THSD4: variants seen among roughly 807,000 people sequenced by gnomAD.
THSD4 encodes the protein thrombospondin type 1 domain containing 4, also known as thrombospondin type-1 domain-containing protein 4.
Under a neutral mutation model 119.0 loss-of-function variants are expected in THSD4, and 69 were observed. The observed-to-expected ratio is 0.58, with a 90% CI of 0.48 to 0.71. The LOEUF (loss-of-function observed/expected upper bound fraction) is 0.71. Among genes scored for constraint, THSD4 ranks in the 30% least tolerant of loss-of-function variants. The probability of loss-of-function intolerance (pLI) is 0.00; values close to 1 mark genes in which losing one functional copy is unlikely to be tolerated. For synonymous variants in THSD4, 524 were observed against 540.4 expected (o/e 0.97, Z 0.42); for missense variants, 1,393 against 1,391.1 (o/e 1.00, Z -0.02).
chr15:71,711,058 A>G (rs1036966874), intron 8 of THSD4, among the ~76,000 whole-genome samples: 4 of 145,922 alleles, frequency 2.7e-5, no homozygotes, highest in Non-Finnish European at 5.9e-5. Flanking sequence ...AATATGCATG[A>G]TTATTGAAAG....
rs142943134 is a variant in THSD4 at position 71,268,729 on chromosome 15, A to G, written c.1015+12014A>G. ...TAGATAGACAGCTAGCCAGACTAAT[A>G]AAGAAAAAAAGAGAGATGAATCAAA... is the stretch of plus-strand genomic sequence containing the variant. On this transcript the variant is annotated intron_variant, in intron 6 of 17. Coordinates refer to ENST00000261862, the MANE Select transcript of THSD4 (RefSeq NM_024817.3). 9.2e-3 allele frequency among the ~76,000 whole-genome samples: 1,401 copies of G among 151,626 alleles called. 8 individuals are homozygous for G. Among genetic ancestry groups the G allele is most frequent in the Middle Eastern group, 0.017 (5 of 294 alleles).
intron 4 of THSD4, among the ~76,000 whole-genome samples, chr15:71,232,245 T>C (rs140654372): frequency 7.8e-4 from 119 of 152,316 alleles, no homozygotes; most frequent in African/African-American, 2.6e-3. Context: ...TTCTTGCATA[T>C]GGAAACTCCT....
chr15:71,482,845 C>G (rs542032473), intron 7 of THSD4, among the ~76,000 whole-genome samples: 5 of 152,102 alleles, frequency 3.3e-5, no homozygotes, highest in Non-Finnish European at 7.4e-5. Context: ...CCTCGGCCTC[C>G]CAGAGTGCTG....
chr15:71,405,695 C>G (rs1249802848), intron 6 of THSD4, among the ~76,000 whole-genome samples: 1 of 152,106 alleles, frequency 6.6e-6, no homozygotes, highest in Non-Finnish European at 1.5e-5. Context: ...AATAAGAGGG[C>G]ATTTGGTAGT....
chr15:71,294,668 G>A (rs1368709923), intron 6 of THSD4, among the ~76,000 whole-genome samples: 4 of 152,136 alleles, frequency 2.6e-5, no homozygotes, highest in Admixed American at 1.3e-4. Flanking sequence ...AGTCCATAAT[G>A]TAAATGCCTG....
At chr15:71,629,045 G>A (rs1381877044) in intron 7 of THSD4, among the ~76,000 whole-genome samples, 1 of 152,204 alleles carries the variant, frequency 6.6e-6, no homozygotes, top group Non-Finnish European at 1.5e-5. Context: ...TTATCACGGG[G>A]TTTGGTTACG....
intron 7 of THSD4, among the ~76,000 whole-genome samples, chr15:71,580,603 CT>C (rs2049539911): frequency 6.6e-6 from 1 of 152,220 alleles, no homozygotes; most frequent in African/African-American, 2.4e-5. Flanking sequence ...GTAACTGAAA[CT>C]TTGTACCCTT....
intron 7 of THSD4, among the ~76,000 whole-genome samples, chr15:71,448,475 G>A (rs1043418453): frequency 6.6e-6 from 1 of 152,218 alleles, no homozygotes; most frequent in African/African-American, 2.4e-5. Context: ...AAAGTCTTCA[G>A]AAACAGAAAC....
intron 6 of THSD4, among the ~76,000 whole-genome samples, chr15:71,366,590 G>C (rs114054841): frequency 0.023 from 3,556 of 152,126 alleles, 140 homozygotes; most frequent in African/African-American, 0.082. Context: ...CCAATGGCCC[G>C]CACTATATGG....
At chr15:71,154,981 G>T (rs2040762537) in intron 3 of THSD4, 49 bp downstream of exon 3, 1 of 1,577,426 alleles carries the variant, frequency 6.3e-7, no homozygotes, top group African/African-American at 1.3e-5. Flanking sequence ...AGGGGCTAGG[G>T]CCACTGTGGT....
upstream of THSD4, chr15:71,111,238 T>G: frequency 6.2e-7 from 1 of 1,613,844 alleles, no homozygotes. Context: ...TAACCTGAAG[T>G]GTGGCCTGAA....
intron 7 of THSD4, among the ~76,000 whole-genome samples, chr15:71,447,186 T>C (rs2047197392): frequency 7.4e-6 from 1 of 135,924 alleles, no homozygotes; most frequent in Non-Finnish European, 1.5e-5. Context: ...AGTGATGCGA[T>C]CACGGCTCAC....
intron 7 of THSD4, among the ~76,000 whole-genome samples, chr15:71,574,452 C>T (rs1259509861): frequency 6.6e-6 from 1 of 152,034 alleles, no homozygotes; most frequent in Non-Finnish European, 1.5e-5. Flanking sequence ...AACACTAAAC[C>T]AAGATCATAT....
chr15:71,331,069 T>TC (rs149719659), intron 6 of THSD4, among the ~76,000 whole-genome samples: 160 of 152,360 alleles, frequency 1.1e-3, no homozygotes, highest in African/African-American at 3.6e-3. Context: ...CAGTGGCCTT[T>TC]GGCTGGCAAA....
intron 17 of THSD4, among the ~76,000 whole-genome samples, chr15:71,772,586 T>C (rs190426231): frequency 1.1e-4 from 17 of 152,286 alleles, no homozygotes; most frequent in Non-Finnish European, 2.1e-4. Flanking sequence ...TTGGAACATA[T>C]TATAAAGCTA....
In THSD4 at chr15:71,730,688, G is replaced by A. The variant is rs191958818; in HGVS notation, c.1534-433G>A. 78 of 155,702 alleles carry A rather than the reference G, an allele frequency of 5.0e-4. No individual in the cohort carries two copies. In the East Asian group the frequency reaches 0.014, roughly 27 times the overall value. The allele number at this position is 155,702 out of a possible 1,614,324, so 9.6% of individuals were successfully genotyped here. ...ACTTTGAGGGAACCTAAAGCATCCC[G>A]GGGTGGCTCTGTCCAGGAGGTCTGC... On this transcript the variant is annotated intron_variant, in intron 9 of 17. Coordinates refer to ENST00000261862, the MANE Select transcript of THSD4 (RefSeq NM_024817.3).
At chr15:71,110,921 T>G, upstream of THSD4, 1 of 555,986 alleles carries the variant, frequency 1.8e-6, no homozygotes. Context: ...GCCGTAGATC[T>G]CCATTGTCTA....
chr15:71,701,651 G>T (rs1210308476), intron 8 of THSD4, among the ~76,000 whole-genome samples: 1 of 151,880 alleles, frequency 6.6e-6, no homozygotes, highest in Admixed American at 6.6e-5. Flanking sequence ...CAAAATGAAG[G>T]TCCTTAAAAT....
At chr15:71,126,606 A>C (rs765969084) in intron 1 of THSD4, among the ~76,000 whole-genome samples, 1 of 152,240 alleles carries the variant, frequency 6.6e-6, no homozygotes, top group African/African-American at 2.4e-5. Context: ...TGAAAAAGAC[A>C]ATCAGTTGAT....
Sources: allele counts gnomAD v4.1 joint callset (sites outside exome capture counted in the v4.1 genomes callset), GRCh38; gene constraint gnomAD v4.1.1; transcripts MANE v1.5; gene names NCBI Gene and HGNC (gene_info 2026-07-23, HGNC 2026-07-21).